STOX2: variants seen among roughly 807,000 people sequenced by gnomAD.
STOX2 encodes the protein storkhead-box protein 2.
A neutral mutation model predicts 60.9 loss-of-function variants in STOX2; 28 were observed. The ratio of observed to expected loss-of-function variants is 0.46; its 90% CI spans 0.34 to 0.63. STOX2 has a LOEUF of 0.63. STOX2 is among the 30% of genes least tolerant of loss of function. The probability of loss-of-function intolerance (pLI) is 0.01; values close to 1 mark genes in which losing one functional copy is unlikely to be tolerated. For missense variants in STOX2, 1,024 were observed against 1,187.7 expected (o/e 0.86, Z 2.03); for synonymous variants, 472 against 463.9 (o/e 1.02, Z -0.22).
At chr4:184,003,389 T>G (rs990278745) in intron 2 of STOX2, among the ~76,000 whole-genome samples, 13 of 152,370 alleles carry the variant, frequency 8.5e-5, no homozygotes, top group African/African-American at 2.6e-4. Flanking sequence ...GAATGCTTTG[T>G]GGATTAATCC....
Position 184,010,395 on chromosome 4 carries a change from C to T in STOX2, c.1557C>T (p.Asp519=), listed in dbSNP as rs977195474. ...ACCTTGCTGAAGGCTGCAGCCAAGA[C>T]GACCAGACCCCCAGCCAATCCTACA... ...PEDLAEGCSQ[D]DQTPSQSYID... Residue 519 remains aspartate (D), a synonymous_variant, in exon 3 of 4, where the codon GAC becomes GAT. Coordinates refer to ENST00000308497, the MANE Select transcript of STOX2 (RefSeq NM_020225.3). This position sits in a 1 kb window ranked among gnomAD's most constrained non-coding sequence, Gnocchi z 4.5. 1.9e-5 allele frequency: 30 copies of T among 1,613,368 alleles called. No individual in the cohort carries two copies. The highest frequency in any genetic ancestry group is 1.2e-4 in the African/African-American group (9 of 74,900).
chr4:183,873,472 T>C (rs1259547819), intron 1 of STOX2, among the ~76,000 whole-genome samples: 2 of 143,834 alleles, frequency 1.4e-5, no homozygotes, highest in Admixed American at 1.4e-4. Context: ...AAAGGGAGGA[T>C]TGGTTGATTT....
chr4:184,008,330 C>T (rs1176236288), intron 2 of STOX2, among the ~76,000 whole-genome samples: 2 of 152,162 alleles, frequency 1.3e-5, no homozygotes, highest in African/African-American at 4.8e-5. Context: ...GCACAAAAAC[C>T]CTTTGAAAAC....
chr4:183,951,101 A>T (rs969595281), intron 1 of STOX2, among the ~76,000 whole-genome samples: 1 of 151,412 alleles, frequency 6.6e-6, no homozygotes, highest in African/African-American at 2.4e-5. Context: ...CTGTAGTCCC[A>T]GCTACTCGGG....
At chr4:183,808,708 T>C (rs1450754438) in intron 1 of STOX2, among the ~76,000 whole-genome samples, 1 of 152,234 alleles carries the variant, frequency 6.6e-6, no homozygotes, top group Non-Finnish European at 1.5e-5. Flanking sequence ...CATTTTTACC[T>C]GTATCTTTAG....
chr4:183,933,176 T>G (rs1742486066), intron 1 of STOX2, among the ~76,000 whole-genome samples: 1 of 152,214 alleles, frequency 6.6e-6, no homozygotes, highest in Non-Finnish European at 1.5e-5. Flanking sequence ...CGAAGCAGAT[T>G]ATCTGGCTCA....
At chr4:183,986,529 A>G (rs1339354397) in intron 1 of STOX2, among the ~76,000 whole-genome samples, 1 of 152,260 alleles carries the variant, frequency 6.6e-6, no homozygotes, top group African/African-American at 2.4e-5. Context: ...ATTTAATAAC[A>G]TTCAAAGCAA....
chr4:183,816,941 T>C (rs1380067996), intron 1 of STOX2, among the ~76,000 whole-genome samples: 1 of 152,248 alleles, frequency 6.6e-6, no homozygotes, highest in Non-Finnish European at 1.5e-5. Context: ...GGGCAAGGGC[T>C]GCATTGGCTG....
intron 1 of STOX2, among the ~76,000 whole-genome samples, chr4:183,983,135 G>T (rs1307498464): frequency 6.6e-6 from 1 of 152,046 alleles, no homozygotes; most frequent in Non-Finnish European, 1.5e-5. Context: ...TGTTCATACT[G>T]CCTTGCTGCC....
At chr4:183,837,744 C>T (rs1342313060) in intron 1 of STOX2, among the ~76,000 whole-genome samples, 1 of 152,164 alleles carries the variant, frequency 6.6e-6, no homozygotes, top group African/African-American at 2.4e-5. Context: ...CACATGTGAG[C>T]CACCGCACCT....
intron 1 of STOX2, among the ~76,000 whole-genome samples, chr4:183,887,576 C>T (rs1741113215): frequency 6.6e-6 from 1 of 152,158 alleles, no homozygotes; most frequent in South Asian, 2.1e-4. Context: ...TGCATGCACG[C>T]TCTTATTTAC....
chr4:183,798,132 G>A, intron 1 of STOX2: 1 of 1,199,610 alleles, frequency 8.3e-7, no homozygotes. Context: ...CGGGTGCCCC[G>A]CCCTGCCCCA....
At chr4:183,863,229 C>T (rs1429997001) in intron 1 of STOX2, among the ~76,000 whole-genome samples, 1 of 152,182 alleles carries the variant, frequency 6.6e-6, no homozygotes, top group African/African-American at 2.4e-5. Flanking sequence ...TGTAAAGCCT[C>T]TGAGAAGCTC....
intron 1 of STOX2, among the ~76,000 whole-genome samples, chr4:183,863,215 A>G (rs767081380): frequency 2.0e-5 from 3 of 152,262 alleles, no homozygotes; most frequent in Non-Finnish European, 2.9e-5. Flanking sequence ...CCAATGTGGA[A>G]CGCTGTAAAG....
chr4:184,008,493 T>C (rs529493860), intron 2 of STOX2, among the ~76,000 whole-genome samples: 1 of 151,622 alleles, frequency 6.6e-6, no homozygotes, highest in South Asian at 2.1e-4. Flanking sequence ...AAAACCACCT[T>C]CTTCTTACTG....
At chr4:183,910,411 TTGA>T (rs1027320271) in intron 1 of STOX2, among the ~76,000 whole-genome samples, 6 of 152,186 alleles carry the variant, frequency 3.9e-5, no homozygotes, top group African/African-American at 1.4e-4. Flanking sequence ...AAACCTTTTG[TTGA>T]TGAAGTTGTG....
At chr4:183,967,598 G>A (rs1303502818) in intron 1 of STOX2, among the ~76,000 whole-genome samples, 1 of 152,102 alleles carries the variant, frequency 6.6e-6, no homozygotes, top group Non-Finnish European at 1.5e-5. Flanking sequence ...GTTTGGGACC[G>A]GAGATGTACC....
chr4:183,881,999 C>T (rs1740971442), intron 1 of STOX2, among the ~76,000 whole-genome samples: 1 of 152,178 alleles, frequency 6.6e-6, no homozygotes, highest in African/African-American at 2.4e-5. Flanking sequence ...GTAATGAGGA[C>T]CCCAGCCAAG....
chr4:183,980,673 C>A (rs920574397), intron 1 of STOX2, among the ~76,000 whole-genome samples: 7 of 147,642 alleles, frequency 4.7e-5, no homozygotes, highest in Non-Finnish European at 1.0e-4. Context: ...TAGTTTGGAG[C>A]GAATTTTTTT....
Sources: allele counts gnomAD v4.1 joint callset (sites outside exome capture counted in the v4.1 genomes callset), GRCh38; gene constraint gnomAD v4.1.1; non-coding constraint Gnocchi (gnomAD v3.1); transcripts MANE v1.5; gene names NCBI Gene and HGNC (gene_info 2026-07-23, HGNC 2026-07-21).